The following CCDC192 variants were observed in gnomAD, a reference collection of about 807,000 sequenced individuals.
CCDC192 encodes coiled-coil domain containing 192, also known as coiled-coil domain-containing protein 192.
chr5:127,883,637 A>G (rs1752440519), intron 6 of CCDC192, among the ~76,000 whole-genome samples: 1 of 152,226 alleles, frequency 6.6e-6, no homozygotes, highest in African/African-American at 2.4e-5. Flanking sequence ...CTGTTTCAGG[A>G]GTCCCTGCAG....
intron 2 of CCDC192, among the ~76,000 whole-genome samples, chr5:127,738,307 G>C (rs574124641): frequency 1.5e-5 from 2 of 131,634 alleles, no homozygotes; most frequent in South Asian, 5.7e-4. Flanking sequence ...TCCGCTGTTA[G>C]TCTGATGGGC....
intron 2 of CCDC192, among the ~76,000 whole-genome samples, chr5:127,742,986 A>G (rs944722232): frequency 8.0e-5 from 12 of 150,512 alleles, no homozygotes; most frequent in African/African-American, 2.9e-4. Context: ...CTCCCTATCC[A>G]CTCTCCACCC....
At chr5:127,904,988 C>T (rs1471345940) in intron 6 of CCDC192, among the ~76,000 whole-genome samples, 1 of 151,990 alleles carries the variant, frequency 6.6e-6, no homozygotes, top group African/African-American at 2.4e-5. Flanking sequence ...CTTTCCCCAC[C>T]TGGGCAAATT....
At chr5:127,756,469 C>G (rs1488400763) in intron 3 of CCDC192, among the ~76,000 whole-genome samples, 1 of 152,152 alleles carries the variant, frequency 6.6e-6, no homozygotes, top group Non-Finnish European at 1.5e-5. Flanking sequence ...GTTAGGTTTT[C>G]TTAATGTCTT....
chr5:127,886,945 C>T (rs914523609), intron 6 of CCDC192, among the ~76,000 whole-genome samples: 4 of 152,144 alleles, frequency 2.6e-5, no homozygotes, highest in African/African-American at 9.7e-5. Context: ...TGTTACCAGT[C>T]TTCAAAGGCA....
chr5:127,801,277 A>C (rs762369079), intron 5 of CCDC192, among the ~76,000 whole-genome samples: 2 of 152,206 alleles, frequency 1.3e-5, no homozygotes, highest in Non-Finnish European at 2.9e-5. Flanking sequence ...AGTATTAATA[A>C]GAGTTGCCTG....
At chr5:127,723,478 G>A (rs7724776) in intron 2 of CCDC192, among the ~76,000 whole-genome samples, 270 of 152,250 alleles carry the variant, frequency 1.8e-3, no homozygotes, top group African/African-American at 6.2e-3. Flanking sequence ...CTCTAGGTAG[G>A]AGTTCTAGTA....
Position 127,927,431 on chromosome 5 carries a change from G to A in CCDC192, c.536-13751G>A, listed in dbSNP as rs565274091. 2.2e-3 allele frequency among the ~76,000 whole-genome samples: 341 copies of A among 152,216 alleles called. 4 individuals are homozygous for A. The highest frequency in any genetic ancestry group is 0.022 in the South Asian group (107 of 4,806). The stretch of plus-strand genomic sequence containing the variant: ...GTTGCAGGCATCCACGGGGGGTCTT[G>A]GAACTATCCCCCGAGAATGAGTAGG... On this transcript the variant is annotated intron_variant, in intron 6 of 6. Transcript: ENST00000514853.
chr5:127,884,323 A>T (rs914207272), intron 6 of CCDC192, among the ~76,000 whole-genome samples: 29 of 140,810 alleles, frequency 2.1e-4, no homozygotes, highest in Non-Finnish European at 3.9e-4. Flanking sequence ...AGCCTGGGCG[A>T]CAGAGCAAGA....
At position 127,787,778 on chromosome 5, in the gene CCDC192, A is replaced by G. The variant is rs146033370; in HGVS notation, c.223-9325A>G. On this transcript the variant is annotated intron_variant, in intron 3 of 6. Coordinates refer to ENST00000514853, the MANE Select transcript of CCDC192 (RefSeq NM_001317938.2). Reference sequence around the variant, plus strand: ...TTGATTTATAGTGTAATTCAAGTCTATTTTCTTCTTGTTTTTCTGTGTAGA... The same window carrying G: ...TTGATTTATAGTGTAATTCAAGTCTGTTTTCTTCTTGTTTTTCTGTGTAGA... Among the ~76,000 whole-genome samples, 693 of 152,118 alleles carry G rather than the reference A, an allele frequency of 4.6e-3. 5 individuals carry two copies. Among genetic ancestry groups the G allele is most frequent in the African/African-American group, 0.016 (664 of 41,502 alleles).
At chr5:127,892,602 G>A (rs963928807) in intron 6 of CCDC192, among the ~76,000 whole-genome samples, 5 of 152,108 alleles carry the variant, frequency 3.3e-5, no homozygotes, top group Non-Finnish European at 5.9e-5. Context: ...TTATCTTTGT[G>A]AGCTCTAGTA....
In CCDC192 at chr5:127,737,621, G is replaced by A. The variant is rs1238909862; in HGVS notation, c.115-16647G>A. ...TTATGAATCTGGGTGCTCCTGTATT[G>A]GGTGCATATATATTTAGGGTAGTTA... On this transcript the variant is annotated intron_variant, in intron 2 of 6. Coordinates refer to ENST00000514853, the MANE Select transcript of CCDC192 (RefSeq NM_001317938.2). 1.2e-4 allele frequency among the ~76,000 whole-genome samples: 18 copies of A among 151,844 alleles called. No homozygotes were observed. In the East Asian group the frequency reaches 3.5e-3, roughly 29 times the overall value.
chr5:127,715,844 G>C (rs1412375295), intron 2 of CCDC192, among the ~76,000 whole-genome samples: 1 of 152,088 alleles, frequency 6.6e-6, no homozygotes, highest in Non-Finnish European at 1.5e-5. Context: ...CTGTAAACAG[G>C]AACAATGTGA....
intron 5 of CCDC192, among the ~76,000 whole-genome samples, chr5:127,805,670 A>G (rs1757743464): frequency 6.6e-6 from 1 of 152,160 alleles, no homozygotes; most frequent in East Asian, 1.9e-4. Context: ...CTCAGTGATT[A>G]TTTATGAACA....
At chr5:127,743,928 A>T (rs1017534522) in intron 2 of CCDC192, among the ~76,000 whole-genome samples, 5 of 150,938 alleles carry the variant, frequency 3.3e-5, no homozygotes, top group African/African-American at 1.2e-4. Context: ...CGTCTCTGCT[A>T]AAAAAATACA....
intron 6 of CCDC192, among the ~76,000 whole-genome samples, chr5:127,908,807 T>G (rs1051677565): frequency 6.6e-6 from 1 of 152,192 alleles, no homozygotes; most frequent in African/African-American, 2.4e-5. Context: ...CTGTTCAACT[T>G]TGGCATCCAA....
At chr5:127,716,434 A>G (rs997749772) in intron 2 of CCDC192, among the ~76,000 whole-genome samples, 3 of 152,072 alleles carry the variant, frequency 2.0e-5, no homozygotes, top group Non-Finnish European at 2.9e-5. Flanking sequence ...CTTCACTTCA[A>G]TTGTTTGGAA....
intron 5 of CCDC192, among the ~76,000 whole-genome samples, chr5:127,801,413 G>T (rs766718778): frequency 1.3e-5 from 2 of 151,966 alleles, no homozygotes; most frequent in Non-Finnish European, 2.9e-5. Flanking sequence ...CCTGGTTTCC[G>T]TGCCTCCATC....
chr5:127,795,222 G>A (rs1330216088), intron 3 of CCDC192, among the ~76,000 whole-genome samples: 2 of 146,836 alleles, frequency 1.4e-5, no homozygotes, highest in African/African-American at 2.5e-5. Flanking sequence ...CCCCAGAGGC[G>A]AAGGTTGCAG....
Sources: gnomAD v4.1 joint callset for allele counts (sites outside exome capture counted in the v4.1 genomes callset) on GRCh38, gnomAD v4.1.1 for gene constraint, MANE v1.5 for transcripts, NCBI Gene and HGNC (gene_info 2026-07-23, HGNC 2026-07-21) for gene names.